ANGPT2: variants seen among roughly 807,000 people sequenced by gnomAD.
The protein encoded by ANGPT2 is angiopoietin-2.
A neutral mutation model predicts 62.9 loss-of-function variants in ANGPT2; 28 were observed. The ratio of observed to expected loss-of-function variants is 0.44; its 90% CI spans 0.33 to 0.61. ANGPT2 has a LOEUF of 0.61. ANGPT2 is among the 20% of genes least tolerant of loss of function. ANGPT2 has a pLI of 0.03. For synonymous variants in ANGPT2, 284 were observed against 207.8 expected, an observed-to-expected ratio of 1.37 and a Z score of -3.15; for missense variants, 727 against 594.9, an observed-to-expected ratio of 1.22 and a Z score of -2.31.
intron 8 of ANGPT2, among the ~76,000 whole-genome samples, chr8:6,505,236 TA>T (rs1330939355): frequency 0.031 from 149 of 4,744 alleles, 29 homozygotes; most frequent in African/African-American, 0.067. Flanking sequence ...TATGTATATA[TA>T]GAATATATAT....
intron 1 of ANGPT2, among the ~76,000 whole-genome samples, chr8:6,541,615 G>C (rs1821593056): frequency 6.6e-6 from 1 of 152,084 alleles, no homozygotes; most frequent in African/African-American, 2.4e-5. Flanking sequence ...TCTATTTTTT[G>C]GGATACTTTG....
intron 1 of ANGPT2, among the ~76,000 whole-genome samples, chr8:6,560,460 CTTTAAGTGGG>C (rs1478321931): frequency 1.3e-5 from 2 of 152,278 alleles, no homozygotes; most frequent in South Asian, 2.1e-4. Context: ...CATTTAATCA[CTTTAAGTGGG>C]TTTCATCTTT....
chr8:6,526,142 A>G (rs565680879), intron 3 of ANGPT2, among the ~76,000 whole-genome samples: 1 of 151,888 alleles, frequency 6.6e-6, no homozygotes, highest in Non-Finnish European at 1.5e-5. Flanking sequence ...AAACGACGCC[A>G]GGTACGGTGG....
At chr8:6,523,838 C>T (rs529736826) in intron 3 of ANGPT2, among the ~76,000 whole-genome samples, 12 of 151,158 alleles carry the variant, frequency 7.9e-5, no homozygotes, top group Admixed American at 4.6e-4. Context: ...TCGTCCACCT[C>T]GGCCTTCCAA....
chr8:6,520,938 T>C (rs974918402), intron 4 of ANGPT2, among the ~76,000 whole-genome samples: 7 of 152,352 alleles, frequency 4.6e-5, no homozygotes, highest in African/African-American at 7.2e-5. Flanking sequence ...ATGATGGAAC[T>C]AACTAAAAGT....
chr8:6,545,271 A>G (rs537208555), intron 1 of ANGPT2, among the ~76,000 whole-genome samples: 1 of 152,350 alleles, frequency 6.6e-6, no homozygotes, highest in East Asian at 1.9e-4. Flanking sequence ...TGCTGGTTAC[A>G]TGAGTGAATC....
chr8:6,556,492 G>C (rs7015809), intron 1 of ANGPT2, among the ~76,000 whole-genome samples: 1 of 108,566 alleles, frequency 9.2e-6, no homozygotes, highest in East Asian at 2.8e-4. Context: ...CCTTTGTGCT[G>C]TGTTTAATTT....
intron 8 of ANGPT2, among the ~76,000 whole-genome samples, chr8:6,504,604 A>T (rs975445742): frequency 3.9e-5 from 6 of 152,288 alleles, no homozygotes; most frequent in Admixed American, 6.5e-5. Context: ...CAGATATGTC[A>T]AAGAGAAGCT....
At chr8:6,539,617 C>A (rs1428450556) in intron 1 of ANGPT2, among the ~76,000 whole-genome samples, 1 of 152,072 alleles carries the variant, frequency 6.6e-6, no homozygotes, top group East Asian at 1.9e-4. Context: ...GATGGAGTCT[C>A]GCTCTGTCTC....
chr8:6,530,111 T>C (rs1819183951), intron 2 of ANGPT2, among the ~76,000 whole-genome samples: 1 of 152,364 alleles, frequency 6.6e-6, no homozygotes, highest in East Asian at 1.9e-4. Context: ...AGACATTTTT[T>C]GGATGAGCTA....
intron 8 of ANGPT2, among the ~76,000 whole-genome samples, chr8:6,503,535 A>G (rs1409330322): frequency 6.6e-6 from 1 of 152,066 alleles, no homozygotes; most frequent in African/African-American, 2.4e-5. Flanking sequence ...CCACAGTCCT[A>G]TTTGGTAAGC....
intron 1 of ANGPT2, among the ~76,000 whole-genome samples, chr8:6,539,699 G>A (rs1023510054): frequency 6.6e-6 from 1 of 152,104 alleles, no homozygotes; most frequent in Non-Finnish European, 1.5e-5. Context: ...CGATTCTCCC[G>A]CCTCAGCTTC....
intron 2 of ANGPT2, 77 bp downstream of exon 2, chr8:6,532,255 T>C (rs1395512355): frequency 2.1e-5 from 32 of 1,549,688 alleles, no homozygotes; most frequent in Non-Finnish European, 2.3e-5. Flanking sequence ...CATGCCTTCA[T>C]TGAGGAAGCT....
At chr8:6,544,872 G>C (rs535006322) in intron 1 of ANGPT2, among the ~76,000 whole-genome samples, 1 of 152,254 alleles carries the variant, frequency 6.6e-6, no homozygotes, top group African/African-American at 2.4e-5. Context: ...TGTCATTTCA[G>C]ATTGAACCTG....
chr8:6,532,566 C>A, intron 1 of ANGPT2, 79 bp from the exon 2 acceptor site: 2 of 895,700 alleles, frequency 2.2e-6, no homozygotes, highest in Non-Finnish European at 3.0e-6. Context: ...TCGTCTCCTC[C>A]CTATCTTTAA....
At chr8:6,509,116 A>G in intron 7 of ANGPT2, 54 bp from the exon 8 acceptor site, 6 of 1,580,862 alleles carry the variant, frequency 3.8e-6, no homozygotes, top group Non-Finnish European at 2.6e-6. Flanking sequence ...GATTTACCGT[A>G]GTGGCAAATT....
intron 6 of ANGPT2, 50 bp downstream of exon 6, chr8:6,514,627 T>C: frequency 1.3e-6 from 2 of 1,521,602 alleles, no homozygotes; most frequent in Non-Finnish European, 1.8e-6. Context: ...TCTTGAAAGC[T>C]ATTTTTCACA....
chr8:6,524,009 C>T (rs1817870698), intron 3 of ANGPT2, among the ~76,000 whole-genome samples: 1 of 151,892 alleles, frequency 6.6e-6, no homozygotes, highest in Admixed American at 6.6e-5. Flanking sequence ...AAAGATGTTT[C>T]AATATCTTCA....
rs143685447 is a variant in ANGPT2 at position 6,544,400 on chromosome 8, T to A, written c.289-11913A>T. On this transcript the variant is annotated intron_variant, in intron 1 of 8. Transcript: ENST00000629816. ...GAACTGCACATGGTGATTATGACTTTGGGCAAATCACTGAACTTGTAATTA... is the reference window on the plus strand; with the variant it reads ...GAACTGCACATGGTGATTATGACTTAGGGCAAATCACTGAACTTGTAATTA... 3.8e-3 allele frequency among the ~76,000 whole-genome samples: 585 copies of A among 152,354 alleles called. 7 individuals carry two copies. The highest frequency in any genetic ancestry group is 0.013 in the African/African-American group (554 of 41,580).
Sources: gnomAD v4.1 joint callset for allele counts (sites outside exome capture counted in the v4.1 genomes callset) on GRCh38, gnomAD v4.1.1 for gene constraint, MANE v1.5 for transcripts, NCBI Gene and HGNC (gene_info 2026-07-23, HGNC 2026-07-21) for gene names.